The following SLC24A4 variants were observed in gnomAD, a reference collection of about 807,000 sequenced individuals.
The protein encoded by SLC24A4 is solute carrier family 24 member 4.
Under a neutral mutation model 79.0 loss-of-function variants are expected in SLC24A4, and 53 were observed. That is an observed-to-expected ratio of 0.67 (90% CI 0.54 to 0.84). SLC24A4 has a LOEUF of 0.84. Ranked by LOEUF, SLC24A4 falls within the 40% of genes least tolerant of loss-of-function variation. The probability of loss-of-function intolerance (pLI) is 0.00; values close to 1 mark genes in which losing one functional copy is unlikely to be tolerated. For synonymous variants in SLC24A4, 323 were observed against 323.8 expected (o/e 1.00, Z 0.03); for missense variants, 731 against 822.0 (o/e 0.89, Z 1.35).
chr14:92,420,113 G>A (rs186939173), intron 2 of SLC24A4, among the ~76,000 whole-genome samples: 2 of 152,292 alleles, frequency 1.3e-5, no homozygotes, highest in African/African-American at 2.4e-5. Flanking sequence ...GGAGCTGATT[G>A]CCCCTAAGTC....
chr14:92,487,045 C>G (rs1895407019), intron 14 of SLC24A4, among the ~76,000 whole-genome samples: 1 of 152,198 alleles, frequency 6.6e-6, no homozygotes, highest in African/African-American at 2.4e-5. Flanking sequence ...CTGAGGTCAG[C>G]AGTCAATGTG....
intron 2 of SLC24A4, among the ~76,000 whole-genome samples, chr14:92,415,385 C>G (rs1330636185): frequency 6.6e-6 from 1 of 152,224 alleles, no homozygotes; most frequent in Non-Finnish European, 1.5e-5. Context: ...CCGGAATAGA[C>G]TCACAAATGG....
intron 12 of SLC24A4, among the ~76,000 whole-genome samples, chr14:92,481,798 A>C (rs1292747164): frequency 1.6e-4 from 24 of 152,218 alleles, no homozygotes; most frequent in Admixed American, 1.6e-3. Context: ...TGTTGTTCTC[A>C]ATGCTTCTAC....
intron 13 of SLC24A4, among the ~76,000 whole-genome samples, chr14:92,485,484 A>T (rs1895299941): frequency 6.8e-6 from 1 of 147,278 alleles, no homozygotes; most frequent in Admixed American, 6.8e-5. Context: ...AAAAGAAAAG[A>T]AAAAAAAAAA....
chr14:92,375,763 G>A (rs979385517), intron 2 of SLC24A4, among the ~76,000 whole-genome samples: 7 of 152,186 alleles, frequency 4.6e-5, no homozygotes, highest in African/African-American at 7.2e-5. Context: ...GCAAATCCAC[G>A]CTGACAGAAA....
rs1895715424 is a variant in SLC24A4, at chr14:92,492,177, G to A, written c.1653G>A (p.Val551=). The A allele has an allele frequency of 1.9e-6, 3 of 1,613,930 alleles. No homozygotes were observed. Among genetic ancestry groups the A allele is most frequent in the Non-Finnish European group, 2.5e-6 (3 of 1,179,994 alleles). The part of the protein sequence containing the change: ...QTMVVNYGST[V]KINSRGLVYS... Reference sequence around the variant, plus strand: ...GGCACGTGTGTTTGATTTTCCAGGTGAAGATCAACAGCCGGGGGCTGGTCT... The same window carrying A: ...GGCACGTGTGTTTGATTTTCCAGGTAAAGATCAACAGCCGGGGGCTGGTCT... Residue 551 remains valine, a splice_region_variant and synonymous_variant, in exon 16 of 17, where the codon GTG becomes GTA. Transcript: ENST00000532405.
intron 2 of SLC24A4, among the ~76,000 whole-genome samples, chr14:92,327,558 T>A (rs1032566350): frequency 2.6e-5 from 4 of 152,252 alleles, no homozygotes; most frequent in Non-Finnish European, 4.4e-5. Context: ...AACACTTTGC[T>A]ACTCTGGATA....
intron 12 of SLC24A4, among the ~76,000 whole-genome samples, chr14:92,465,499 C>T (rs1415589506): frequency 1.3e-5 from 2 of 152,196 alleles, no homozygotes; most frequent in African/African-American, 4.8e-5. Context: ...AGGGTGGGGG[C>T]TGTGGGAGTG....
intron 12 of SLC24A4, among the ~76,000 whole-genome samples, chr14:92,469,830 T>A (rs910391000): frequency 6.6e-6 from 1 of 152,190 alleles, no homozygotes; most frequent in African/African-American, 2.4e-5. Flanking sequence ...CATGTTACAA[T>A]TCCATTTATA....
At chr14:92,366,105 C>G (rs907025115) in intron 2 of SLC24A4, among the ~76,000 whole-genome samples, 1 of 152,108 alleles carries the variant, frequency 6.6e-6, no homozygotes, top group African/African-American at 2.4e-5. Context: ...ATTGTGGTGC[C>G]GGGAAGCCAA....
chr14:92,459,014 C>A (rs964721684), intron 12 of SLC24A4, among the ~76,000 whole-genome samples: 2 of 152,174 alleles, frequency 1.3e-5, no homozygotes, highest in Non-Finnish European at 2.9e-5. Context: ...GCAGAATCCC[C>A]ATTTTGCAGA....
intron 2 of SLC24A4, among the ~76,000 whole-genome samples, chr14:92,359,980 G>A (rs1026977932): frequency 5.3e-5 from 8 of 152,320 alleles, no homozygotes; most frequent in Non-Finnish European, 1.2e-4. Flanking sequence ...GTGCAGTGGT[G>A]CGATCTTGGC....
chr14:92,474,114 T>A (rs1316979849), intron 12 of SLC24A4, among the ~76,000 whole-genome samples: 1 of 152,246 alleles, frequency 6.6e-6, no homozygotes, highest in Non-Finnish European at 1.5e-5. Flanking sequence ...TCTGGTCTCT[T>A]GGCATAAGTT....
At chr14:92,358,746 G>A (rs375699657) in intron 2 of SLC24A4, among the ~76,000 whole-genome samples, 1 of 149,314 alleles carries the variant, frequency 6.7e-6, no homozygotes, top group Non-Finnish European at 1.5e-5. Flanking sequence ...ACCTAGGCTG[G>A]AATGCAGTGC....
rs66533065 is a variant in SLC24A4 at position 92,480,286 on chromosome 14, C to CTTTTTTTTTTTTT, written c.1256-2388_1256-2376dup. On this transcript the variant is annotated intron_variant, in intron 12 of 16. Transcript: ENST00000532405. ...TTGGACATTGATTTGAGATCTTTCC[C>CTTTTTTTTTTTTT]TTTTTTTTTTTTTTTTTTGAGATGG... 8.6e-4 allele frequency among the ~76,000 whole-genome samples: 54 copies of CTTTTTTTTTTTTT among 63,116 alleles called. 8 individuals are homozygous for CTTTTTTTTTTTTT. The highest frequency in any genetic ancestry group is 1.2e-3 in the Admixed American group (4 of 3,462). 41.4% of individuals were successfully genotyped at this position (63,116 alleles called of 152,430 possible).
At chr14:92,370,310 G>T (rs1170009730) in intron 2 of SLC24A4, among the ~76,000 whole-genome samples, 2 of 152,196 alleles carry the variant, frequency 1.3e-5, no homozygotes, top group African/African-American at 4.8e-5. Context: ...CATGAACTGT[G>T]TGACTTTCGA....
At chr14:92,447,325 GC>G (rs746602820) in intron 8 of SLC24A4, 45 bp from the exon 9 acceptor site, 113 of 1,588,946 alleles carry the variant, frequency 7.1e-5, no homozygotes, top group Non-Finnish European at 1.1e-5. Flanking sequence ...GCCTTCACCT[GC>G]CCCGGGCCCC....
chr14:92,431,605 G>T (rs1444485533), intron 2 of SLC24A4, among the ~76,000 whole-genome samples: 1 of 152,188 alleles, frequency 6.6e-6, no homozygotes, highest in East Asian at 1.9e-4. Context: ...GTGGATATCT[G>T]CCTGCTCGCA....
intron 14 of SLC24A4, among the ~76,000 whole-genome samples, chr14:92,489,368 G>A (rs1321268658): frequency 3.3e-5 from 5 of 152,066 alleles, no homozygotes; most frequent in Admixed American, 1.3e-4. Flanking sequence ...GAACCCAGGA[G>A]GCAGATGTTA....
Sources: allele counts gnomAD v4.1 joint callset (sites outside exome capture counted in the v4.1 genomes callset), GRCh38; gene constraint gnomAD v4.1.1; transcripts MANE v1.5; gene names NCBI Gene and HGNC (gene_info 2026-07-23, HGNC 2026-07-21).